Variants in IDH2 observed in about 807,000 individuals in gnomAD.
The protein encoded by IDH2 is isocitrate dehydrogenase [NADP], mitochondrial.
IDH2 carries 18 observed loss-of-function variants against 50.5 expected under a neutral mutation model. The observed-to-expected ratio is 0.36, with a 90% CI of 0.25 to 0.53. The LOEUF is 0.53. IDH2 is among the 20% of genes least tolerant of loss of function. The probability of loss-of-function intolerance (pLI) is 0.92; values close to 1 mark genes in which losing one functional copy is unlikely to be tolerated. For missense variants in IDH2, 518 were observed against 610.7 expected, an observed-to-expected ratio of 0.85 and a Z score of 1.60; for synonymous variants, 280 against 239.8, an observed-to-expected ratio of 1.17 and a Z score of -1.55.
At chr15:90,091,720 C>A (rs993363050) in intron 1 of IDH2, 76 bp from the exon 2 acceptor site, 5 of 1,195,012 alleles carry the variant, frequency 4.2e-6, no homozygotes, top group Admixed American at 1.7e-5. Context: ...GCCAGGCCCG[C>A]CCTTCACCAG....
Position 90,085,400 on chromosome 15 carries a change from A to C in IDH2, c.968-13T>G. Reference sequence around the variant, plus strand: ...AGGGAGCCAAAGCCTGGAGGGTAGAAAGCCTTTCTCTCAGGGCCTCGCCTC... The same window carrying C: ...AGGGAGCCAAAGCCTGGAGGGTAGACAGCCTTTCTCTCAGGGCCTCGCCTC... On this transcript the variant is annotated splice_polypyrimidine_tract_variant and intron_variant, in intron 7 of 10. Transcript: ENST00000330062. The surrounding 1 kb of genome is among the most constrained non-coding windows in gnomAD (Gnocchi z 5.5). 1 of 1,541,778 alleles carries C rather than the reference A, an allele frequency of 6.5e-7. No individual in the cohort carries two copies. Among genetic ancestry groups the C allele is most frequent in the Non-Finnish European group, 8.8e-7 (1 of 1,137,630 alleles).
Position 90,090,548 on chromosome 15 carries a change from G to C in IDH2, c.304C>G (p.Leu102Val). The change falls in exon 3 of 11, where the codon CTG becomes GTG. Residue 102 changes from leucine to valine, a missense_variant. Physicochemically the swap from Leu to Val is conservative, Grantham distance 32 (BLOSUM62 1). Coordinates refer to ENST00000330062, the MANE Select transcript of IDH2 (RefSeq NM_002168.4). ...TDDQVTIDSA[L>V]ATQKYSVAVK... ...GCCACACTGTACTTCTGGGTGGCCA[G>C]TGCAGAGTCAATGGTGACCTGGTCA... 6.2e-7 allele frequency: 1 copy of C among 1,614,230 alleles called. No individual in the cohort carries two copies. The highest frequency in any genetic ancestry group is 8.5e-7 in the Non-Finnish European group (1 of 1,180,046).
At chr15:90,091,279 A>C (rs1259328029) in intron 2 of IDH2, among the ~76,000 whole-genome samples, 1 of 152,260 alleles carries the variant, frequency 6.6e-6, no homozygotes, top group African/African-American at 2.4e-5. Flanking sequence ...ATGATACAGG[A>C]TTAACCTTGA....
intron 3 of IDH2, among the ~76,000 whole-genome samples, chr15:90,090,203 C>T (rs1393352619): frequency 6.6e-6 from 1 of 152,240 alleles, no homozygotes; most frequent in Non-Finnish European, 1.5e-5. Flanking sequence ...GTTCTCAGCT[C>T]TGCTGTGCCC....
intron 1 of IDH2, among the ~76,000 whole-genome samples, chr15:90,094,154 C>T (rs1901121540): frequency 6.6e-6 from 1 of 152,154 alleles, no homozygotes; most frequent in Non-Finnish European, 1.5e-5. Context: ...ATCAGAGGTC[C>T]AGGGAGACCA....
intron 3 of IDH2, 49 bp from the exon 4 acceptor site, chr15:90,088,796 A>G (rs1483774781): frequency 1.2e-6 from 2 of 1,608,668 alleles, no homozygotes; most frequent in East Asian, 2.2e-5. Flanking sequence ...CCATCTTTCA[A>G]CCAGAATTTG....
rs997819725 is a variant in IDH2 at position 90,098,220 on chromosome 15, C to CAG, written c.115+4054_115+4055dup. Reference sequence around the variant, plus strand: ...TGCAGGATGGAATTACACCAGTCACCAGAGGCACGTTAGGCTGACTCTCCT... The same window carrying CAG: ...TGCAGGATGGAATTACACCAGTCACCAGAGAGGCACGTTAGGCTGACTCTCCT... On this transcript the variant is annotated intron_variant, in intron 1 of 10. Coordinates refer to ENST00000330062, the MANE Select transcript of IDH2 (RefSeq NM_002168.4). This position sits in a 1 kb window ranked among gnomAD's most constrained non-coding sequence, Gnocchi z 5.1. Among the ~76,000 whole-genome samples, 6 of 152,210 alleles carry CAG rather than the reference C, an allele frequency of 3.9e-5. No homozygotes were observed. Among genetic ancestry groups the CAG allele is most frequent in the Non-Finnish European group, 8.8e-5 (6 of 68,038 alleles).
In IDH2 at chr15:90,087,860, TAC is replaced by T. The variant is rs61506300; in HGVS notation, c.679-287_679-286del. 0.15 allele frequency among the ~76,000 whole-genome samples: 20,931 copies of T among 139,658 alleles called. 4,063 individuals carry two copies. The highest frequency in any genetic ancestry group is 0.46 in the African/African-American group (16,872 of 36,934). The allele number at this position is 139,658 out of a possible 152,430, so 91.6% of individuals were successfully genotyped here. ...TTTTTTGGAAAGCACCGCCTTAGAC[TAC>T]ATGTGGCTGGGGCAGGGCTAATTCC... On this transcript the variant is annotated intron_variant, in intron 5 of 10. Transcript: ENST00000330062.
At position 90,085,250 on chromosome 15, in the gene IDH2, G is replaced by A. The variant is rs778995704; in HGVS notation, c.1080+25C>T. 6.5e-6 allele frequency: 10 copies of A among 1,539,116 alleles called. No homozygotes were observed. The highest frequency in any genetic ancestry group is 8.8e-6 in the Non-Finnish European group (10 of 1,131,348). ...TAGGCCCCTGGGGTAGAGGGGCATT[G>A]TGAGGCCCCATGCCCTGCACTCACC... On this transcript the variant is annotated intron_variant, in intron 8 of 10. Transcript: ENST00000330062. The surrounding 1 kb of genome is among the most constrained non-coding windows in gnomAD (Gnocchi z 5.5).
At position 90,098,531 on chromosome 15, in the gene IDH2, C is replaced by CATGCATGT. The variant is rs1555462240; in HGVS notation, c.115+3744_115+3745insACATGCAT. Among the ~76,000 whole-genome samples the CATGCATGT allele has an allele frequency of 8.7e-5, 12 of 138,466 alleles. No individual in the cohort carries two copies. Among genetic ancestry groups the CATGCATGT allele is most frequent in the South Asian group, 8.6e-4 (4 of 4,646 alleles). The allele number at this position is 138,466 out of a possible 152,430, so 90.8% of individuals were successfully genotyped here. ...GTATGTATGTATGTATGTATGCATGCATGTATGTATGTATGTATGTATGTA... is the reference window on the plus strand; with the variant it reads ...GTATGTATGTATGTATGTATGCATGCATGCATGTATGTATGTATGTATGTATGTATGTA... On this transcript the variant is annotated intron_variant, in intron 1 of 10. Transcript: ENST00000330062. This position sits in a 1 kb window ranked among gnomAD's most constrained non-coding sequence, Gnocchi z 5.1.
chr15:90,085,221 G>T lies in IDH2; in HGVS notation c.1080+54C>A. ...GTCCTTCCAGCCCTCAGCCCAGTGGGCTTTAGGCCCCTGGGGTAGAGGGGC... is the reference window on the plus strand; with the variant it reads ...GTCCTTCCAGCCCTCAGCCCAGTGGTCTTTAGGCCCCTGGGGTAGAGGGGC... On this transcript the variant is annotated intron_variant, in intron 8 of 10. Coordinates refer to ENST00000330062, the MANE Select transcript of IDH2 (RefSeq NM_002168.4). This position sits in a 1 kb window ranked among gnomAD's most constrained non-coding sequence, Gnocchi z 5.5. 1 of 1,513,164 alleles carries T rather than the reference G, an allele frequency of 6.6e-7. No individual in the cohort carries two copies. Among genetic ancestry groups the T allele is most frequent in the Non-Finnish European group, 9.1e-7 (1 of 1,102,168 alleles). The allele number at this position is 1,513,164 out of a possible 1,614,324, so 93.7% of individuals were successfully genotyped here. A position where few individuals can be genotyped will look rare whatever the true frequency, so the allele number is the denominator to read the frequency against.
At chr15:90,088,951 A>G (rs1324025770) in intron 3 of IDH2, among the ~76,000 whole-genome samples, 1 of 105,654 alleles carries the variant, frequency 9.5e-6, no homozygotes, top group South Asian at 2.7e-4. Context: ...TTTTGCTCCT[A>G]TTGCCCAGGC....
rs766605461 is a variant in IDH2 at position 90,102,377 on chromosome 15, A to G, written c.14T>C (p.Leu5Pro). Residue 5 changes from leucine (L) to proline (P), a missense_variant, in exon 1 of 11, where the codon CTG becomes CCG. Around this residue, in one of 5 missense-constraint regions of IDH2, gnomAD observed 85 missense variants for 66.9 expected, o/e 1.27. Coordinates refer to ENST00000330062, the MANE Select transcript of IDH2 (RefSeq NM_002168.4). The stretch of plus-strand genomic sequence containing the variant: ...TCTGCAGAGCGAGCGCACGACCCGC[A>G]GGTAGCCGGCCATCCCAAGCTGGAG... Reference protein sequence around the residue: MAGYLRVVRSLCRAS... With the variant: MAGYPRVVRSLCRAS... 3 of 1,359,878 alleles carry G rather than the reference A, an allele frequency of 2.2e-6. No homozygotes were observed. Among genetic ancestry groups the G allele is most frequent in the Non-Finnish European group, 1.9e-6 (2 of 1,045,962 alleles). The allele number at this position is 1,359,878 out of a possible 1,614,324, so 84.2% of individuals were successfully genotyped here. A position where few individuals can be genotyped will look rare whatever the true frequency, so the allele number is the denominator to read the frequency against.
Position 90,083,687 on chromosome 15 carries a change from A to C in IDH2, c.*579T>G, listed in dbSNP as rs1454603473. On this transcript the variant is annotated 3_prime_UTR_variant, in exon 11 of 11. Coordinates refer to ENST00000330062, the MANE Select transcript of IDH2 (RefSeq NM_002168.4). ...GTTAAAACCAACGAAGAAAAAAATCAATGACAACCTATCAGGAACTGATTG... is the reference window on the plus strand; with the variant it reads ...GTTAAAACCAACGAAGAAAAAAATCCATGACAACCTATCAGGAACTGATTG... The C allele has an allele frequency of 5.9e-6, 1 of 169,474 alleles. No individual in the cohort carries two copies. Among genetic ancestry groups the C allele is most frequent in the African/African-American group, 2.4e-5 (1 of 41,860 alleles). 10.5% of individuals were successfully genotyped at this position (169,474 alleles called of 1,614,324 possible). A position where few individuals can be genotyped will look rare whatever the true frequency, so the allele number is the denominator to read the frequency against.
chr15:90,088,353 C>T lies in IDH2; in HGVS notation c.678+6G>A, dbSNP rs766616020. The T allele has an allele frequency of 3.7e-6, 6 of 1,612,968 alleles. No individual in the cohort carries two copies. The African/African-American group carries it at 6.7e-5, about 18-fold the overall frequency. On this transcript the variant is annotated splice_donor_region_variant and intron_variant, in intron 5 of 10. Coordinates refer to ENST00000330062, the MANE Select transcript of IDH2 (RefSeq NM_002168.4). ...GAGGGGCCCAGGATGCCCAAGCCAG[C>T]CTCACCTCGTCGGTGTTGTACATGC...
rs898967712 is a variant in IDH2, at chr15:90,098,469, G to T, written c.115+3807C>A. ...TGGGGAAAGGTTCCAATTCCTGGGGGCTCAAGAAGGCAGGACAGCAACTTT... is the reference window on the plus strand; with the variant it reads ...TGGGGAAAGGTTCCAATTCCTGGGGTCTCAAGAAGGCAGGACAGCAACTTT... On this transcript the variant is annotated intron_variant, in intron 1 of 10. Coordinates refer to ENST00000330062, the MANE Select transcript of IDH2 (RefSeq NM_002168.4). The surrounding 1 kb of genome is among the most constrained non-coding windows in gnomAD (Gnocchi z 5.1). Among the ~76,000 whole-genome samples the T allele has an allele frequency of 6.7e-6, 1 of 149,842 alleles. No homozygotes were observed. Among genetic ancestry groups the T allele is most frequent in the Non-Finnish European group, 1.5e-5 (1 of 67,292 alleles).
chr15:90,084,729 G>T lies in IDH2; in HGVS notation c.1271+87C>A. 1 of 1,095,134 alleles carries T rather than the reference G, an allele frequency of 9.1e-7. No individual in the cohort carries two copies. Among genetic ancestry groups the T allele is most frequent in the Non-Finnish European group, 1.4e-6 (1 of 717,760 alleles). 67.8% of individuals were successfully genotyped at this position (1,095,134 alleles called of 1,614,324 possible). A position where few individuals can be genotyped will look rare whatever the true frequency, so the allele number is the denominator to read the frequency against. ...CTGCCCCAGGCCCCCTTGCAGCTAA[G>T]CTGACTCATGAGGGGGACTTTAGGA... On this transcript the variant is annotated intron_variant, in intron 10 of 10. Transcript: ENST00000330062. This position sits in a 1 kb window ranked among gnomAD's most constrained non-coding sequence, Gnocchi z 5.0.
At position 90,084,627 on chromosome 15, in the gene IDH2, T is replaced by C. The variant is rs1456785880; in HGVS notation, c.1271+189A>G. Among the ~76,000 whole-genome samples the C allele has an allele frequency of 1.3e-5, 2 of 152,078 alleles. No homozygotes were observed. ...CGGAAGGAGCTCTGAGTAGCCAGCC[T>C]CAGGGATGGGGAGGAACTCACTAGA... On this transcript the variant is annotated intron_variant, in intron 10 of 10. Transcript: ENST00000330062. This position sits in a 1 kb window ranked among gnomAD's most constrained non-coding sequence, Gnocchi z 5.0.
chr15:90,095,515 G>A (rs1026682059), intron 1 of IDH2, among the ~76,000 whole-genome samples: 4 of 151,482 alleles, frequency 2.6e-5, no homozygotes, highest in African/African-American at 9.7e-5. Flanking sequence ...GAGCCCTAAG[G>A]AGAGACTCAC....
Sources: gnomAD v4.1 joint callset for allele counts (sites outside exome capture counted in the v4.1 genomes callset) on GRCh38, gnomAD v4.1.1 for gene constraint, gnomAD v4.1.1 regional missense constraint, Gnocchi (gnomAD v3.1) non-coding constraint, MANE v1.5 for transcripts, NCBI Gene and HGNC (gene_info 2026-07-23, HGNC 2026-07-21) for gene names.